AOPEP: variants seen among roughly 807,000 people sequenced by gnomAD.
The protein encoded by AOPEP is aminopeptidase O.
Under a neutral mutation model 98.1 loss-of-function variants are expected in AOPEP, and 77 were observed. The ratio of observed to expected loss-of-function variants is 0.78; its 90% CI spans 0.65 to 0.95. AOPEP has a LOEUF of 0.95. AOPEP is among the 40% of genes least tolerant of loss of function. The pLI is 0.00. For missense variants in AOPEP, 1,024 were observed against 1,024.7 expected (o/e 1.00, Z 0.01); for synonymous variants, 346 against 365.3 (o/e 0.95, Z 0.60).
chr9:94,794,578 G>T (rs577242517), intron 4 of AOPEP, among the ~76,000 whole-genome samples: 2 of 151,982 alleles, frequency 1.3e-5, no homozygotes, highest in African/African-American at 4.8e-5. Flanking sequence ...TCCTTTTTTG[G>T]CAGAAGGGAG....
intron 3 of AOPEP, among the ~76,000 whole-genome samples, chr9:94,788,843 C>T (rs1296706524): frequency 1.3e-5 from 2 of 152,250 alleles, no homozygotes; most frequent in Non-Finnish European, 2.9e-5. Context: ...AGCACCACAG[C>T]TGCCAGTTCA....
intron 5 of AOPEP, among the ~76,000 whole-genome samples, chr9:94,807,386 C>T (rs970083409): frequency 1.3e-5 from 2 of 152,210 alleles, no homozygotes; most frequent in Non-Finnish European, 2.9e-5. Context: ...GTCCTACCTT[C>T]AGAGAACACT....
intron 1 of AOPEP, among the ~76,000 whole-genome samples, chr9:94,750,254 G>C (rs539925558): frequency 3.3e-5 from 5 of 152,112 alleles, no homozygotes; most frequent in Non-Finnish European, 7.3e-5. Flanking sequence ...CTACTGTGTT[G>C]GTCTTGAACT....
At chr9:95,086,026 G>A (rs1359892054) in intron 16 of AOPEP, 2 of 1,367,256 alleles carry the variant, frequency 1.5e-6, no homozygotes, top group Admixed American at 1.9e-5. Context: ...CCGCCCTCCG[G>A]TGCCTACTGA....
chr9:94,816,800 A>G (rs1324004703), intron 5 of AOPEP, among the ~76,000 whole-genome samples: 1 of 152,126 alleles, frequency 6.6e-6, no homozygotes, highest in Non-Finnish European at 1.5e-5. Flanking sequence ...CATCTAGGAT[A>G]TCTGGTTCCC....
the AOPEP span, among the ~76,000 whole-genome samples, chr9:95,106,765 A>G: frequency 6.6e-6 from 1 of 152,216 alleles, no homozygotes; most frequent in Non-Finnish European, 1.5e-5. Flanking sequence ...ACTGCGATGG[A>G]AAGAAATGTA....
intron 13 of AOPEP, among the ~76,000 whole-genome samples, chr9:95,042,841 G>T (rs370787540): frequency 6.6e-6 from 1 of 152,164 alleles, no homozygotes; most frequent in Non-Finnish European, 1.5e-5. Flanking sequence ...TAATCCATCT[G>T]TAATTTTAAT....
intron 3 of AOPEP, among the ~76,000 whole-genome samples, chr9:94,781,617 G>A (rs1167205993): frequency 6.6e-6 from 1 of 150,378 alleles, no homozygotes; most frequent in Non-Finnish European, 1.5e-5. Context: ...CTGGAGTGCA[G>A]TGGCACGATC....
At chr9:95,047,997 A>T (rs1305596770) in intron 13 of AOPEP, among the ~76,000 whole-genome samples, 1 of 152,212 alleles carries the variant, frequency 6.6e-6, no homozygotes, top group Non-Finnish European at 1.5e-5. Context: ...TCTTTTATTC[A>T]CATGATATAA....
At chr9:95,149,869 C>T in the AOPEP span, 1 of 1,547,500 alleles carries the variant, frequency 6.5e-7, no homozygotes, top group Non-Finnish European at 8.8e-7. Flanking sequence ...CACACCACAG[C>T]CTTCTAAGAA....
chr9:95,134,435 T>C, the AOPEP span, among the ~76,000 whole-genome samples: 1 of 152,080 alleles, frequency 6.6e-6, no homozygotes, highest in African/African-American at 2.4e-5. Flanking sequence ...GGCCACTAAC[T>C]AAAGACCGGA....
downstream of AOPEP, among the ~76,000 whole-genome samples, chr9:95,090,171 A>G (rs1450295553): frequency 6.6e-6 from 1 of 152,250 alleles, no homozygotes; most frequent in Non-Finnish European, 1.5e-5. Flanking sequence ...GCCACTAGCA[A>G]CGTCACAGGG....
chr9:95,023,868 T>C (rs969372439), intron 13 of AOPEP, among the ~76,000 whole-genome samples: 8 of 152,216 alleles, frequency 5.3e-5, no homozygotes, highest in Non-Finnish European at 1.5e-5. Context: ...TTATGCATGA[T>C]TTAAAAAGGC....
chr9:94,968,621 C>T lies in AOPEP; in HGVS notation c.1916+820C>T, dbSNP rs865963078. ...CAAACTCCTGACCTCAAGTGATCCACCCGCCTTGGCCTCCCAAAGTGCTGG... is the reference window on the plus strand; with the variant it reads ...CAAACTCCTGACCTCAAGTGATCCATCCGCCTTGGCCTCCCAAAGTGCTGG... On this transcript the variant is annotated intron_variant, in intron 10 of 16. Transcript: ENST00000375315. 3.9e-5 allele frequency among the ~76,000 whole-genome samples: 6 copies of T among 152,324 alleles called. No homozygotes were observed. The South Asian group carries it at 1.2e-3, about 32-fold the overall frequency.
intron 11 of AOPEP, among the ~76,000 whole-genome samples, chr9:94,982,414 G>A (rs2060241270): frequency 6.6e-6 from 1 of 152,154 alleles, no homozygotes; most frequent in Non-Finnish European, 1.5e-5. Context: ...AGCCCGCTGT[G>A]TGTCCGCCCA....
intron 13 of AOPEP, among the ~76,000 whole-genome samples, chr9:95,057,960 G>C (rs545912953): frequency 1.3e-5 from 2 of 152,270 alleles, no homozygotes; most frequent in African/African-American, 4.8e-5. Flanking sequence ...TCTCAAATTA[G>C]AGTCAGTCAG....
the AOPEP span, chr9:95,099,311 G>A: frequency 1.2e-4 from 26 of 224,878 alleles, no homozygotes; most frequent in Admixed American, 2.3e-4. Flanking sequence ...AGACCCTGTC[G>A]CACCTCTGAA....
chr9:95,052,351 G>A (rs1313385550), intron 13 of AOPEP, among the ~76,000 whole-genome samples: 1 of 152,110 alleles, frequency 6.6e-6, no homozygotes, highest in Non-Finnish European at 1.5e-5. Context: ...AGTTTTCTTT[G>A]AACTCGGTTA....
intron 4 of AOPEP, among the ~76,000 whole-genome samples, chr9:94,797,716 T>TC (rs1439123492): frequency 6.6e-6 from 1 of 151,186 alleles, no homozygotes; most frequent in Non-Finnish European, 1.5e-5. Context: ...TTTTTTTTTT[T>TC]TTTTTGAGAC....
Sources: allele counts gnomAD v4.1 joint callset (sites outside exome capture counted in the v4.1 genomes callset), GRCh38; gene constraint gnomAD v4.1.1; transcripts MANE v1.5; gene names NCBI Gene and HGNC (gene_info 2026-07-23, HGNC 2026-07-21).